Variants in DENND4A observed in about 807,000 individuals in gnomAD.
DENND4A encodes the protein DENN domain containing 4A.
A neutral mutation model predicts 199.3 loss-of-function variants in DENND4A; 70 were observed. That is an observed-to-expected ratio of 0.35 (90% CI 0.29 to 0.43). The LOEUF is 0.43. DENND4A is among the 20% of genes least tolerant of loss of function. The pLI, the probability that DENND4A is intolerant of heterozygous loss-of-function variation, is 1.00. For synonymous variants in DENND4A, 686 were observed against 766.9 expected (o/e 0.89, Z 1.74); for missense variants, 1,723 against 2,255.8 (o/e 0.76, Z 4.78).
intron 29 of DENND4A, 69 bp from the exon 30 acceptor site, chr15:65,665,531 T>A (rs1250008950): frequency 2.5e-6 from 3 of 1,215,756 alleles, no homozygotes; most frequent in African/African-American, 1.5e-5. Flanking sequence ...TTTATAAAAT[T>A]CTTATAAATA....
At chr15:65,763,728 G>A (rs951728170) in intron 1 of DENND4A, among the ~76,000 whole-genome samples, 8 of 150,476 alleles carry the variant, frequency 5.3e-5, no homozygotes, top group African/African-American at 1.5e-4. Context: ...GAAATAGAGG[G>A]TGAAAAGAAT....
chr15:65,776,172 A>G (rs1281893165), intron 1 of DENND4A, among the ~76,000 whole-genome samples: 3 of 152,198 alleles, frequency 2.0e-5, no homozygotes, highest in Non-Finnish European at 4.4e-5. Context: ...GCAATGTTAC[A>G]CCCCCATTTC....
At chr15:65,721,573 A>G (rs1310027260) in intron 12 of DENND4A, among the ~76,000 whole-genome samples, 2 of 149,710 alleles carry the variant, frequency 1.3e-5, no homozygotes, top group African/African-American at 4.9e-5. Flanking sequence ...GGACTTAAAG[A>G]TAGCTTTAAT....
intron 1 of DENND4A, among the ~76,000 whole-genome samples, chr15:65,773,033 T>A (rs1285947993): frequency 1.4e-5 from 2 of 145,992 alleles, no homozygotes; most frequent in Non-Finnish European, 3.0e-5. Context: ...AAAAAATCAT[T>A]CTTAGAGCAG....
In DENND4A at chr15:65,691,086, A is replaced by T. The variant is rs2076953865; in HGVS notation, c.3508T>A (p.Leu1170Ile). 3 of 1,613,032 alleles carry T rather than the reference A, an allele frequency of 1.9e-6. No homozygotes were observed. The highest frequency in any genetic ancestry group is 1.7e-6 in the Non-Finnish European group (2 of 1,179,610). The change falls in exon 23 of 33, where the codon TTA (leucine) becomes ATA (isoleucine). Residue 1170 changes from leucine to isoleucine, a missense_variant. Coordinates refer to ENST00000443035, the MANE Select transcript of DENND4A (RefSeq NM_001320835.1). ...DSPVIFDLED[L>I]DSETDVSKAG... The stretch of plus-strand genomic sequence containing the variant: ...TTTGATACATCTGTTTCACTGTCTA[A>T]GTCTTCTAAGTCAAAAATAACAGGA...
chr15:65,772,682 G>A (rs1205264509), intron 1 of DENND4A, among the ~76,000 whole-genome samples: 8 of 119,866 alleles, frequency 6.7e-5, no homozygotes, highest in Non-Finnish European at 1.1e-4. Flanking sequence ...ACTCCAGCCT[G>A]GGCAACAAAA....
At chr15:65,746,215 A>C (rs1186398595) in intron 4 of DENND4A, among the ~76,000 whole-genome samples, 2 of 151,880 alleles carry the variant, frequency 1.3e-5, no homozygotes, top group Admixed American at 6.6e-5. Flanking sequence ...AAAAAGAAGG[A>C]GGCATTGTTC....
At chr15:65,702,639 T>G in intron 16 of DENND4A, 128 bp from the exon 17 acceptor site, 1 of 941,454 alleles carries the variant, frequency 1.1e-6, no homozygotes, top group Non-Finnish European at 1.6e-6. Flanking sequence ...CTGTAATTAA[T>G]GCGTTTTCAA....
chr15:65,710,973 A>G (rs1333877579), intron 14 of DENND4A, among the ~76,000 whole-genome samples: 1 of 152,244 alleles, frequency 6.6e-6, no homozygotes, highest in African/African-American at 2.4e-5. Context: ...CACCAGAAGC[A>G]GATGCCAGCA....
At chr15:65,669,311 G>C (rs912573576) in intron 27 of DENND4A, among the ~76,000 whole-genome samples, 1 of 152,186 alleles carries the variant, frequency 6.6e-6, no homozygotes, top group Non-Finnish European at 1.5e-5. Context: ...TTTAAGTGTA[G>C]ATTTACTTAT....
At chr15:65,771,213 T>C (rs752157573) in intron 1 of DENND4A, 2 of 1,608,650 alleles carry the variant, frequency 1.2e-6, no homozygotes, top group Non-Finnish European at 8.5e-7. Context: ...TCTAATTCTT[T>C]ACAGTTGTCC....
At chr15:65,705,863 G>T in intron 15 of DENND4A, 2 of 305,802 alleles carry the variant, frequency 6.5e-6, no homozygotes, top group Non-Finnish European at 9.6e-6. Context: ...AGATACTTAT[G>T]CAGACATCAT....
intron 1 of DENND4A, among the ~76,000 whole-genome samples, chr15:65,761,767 A>G (rs2076856069): frequency 6.6e-6 from 1 of 152,124 alleles, no homozygotes; most frequent in South Asian, 2.1e-4. Flanking sequence ...AGTGTGAGAA[A>G]GAACAACATG....
At chr15:65,725,200 G>T (rs1352066128) in intron 11 of DENND4A, among the ~76,000 whole-genome samples, 1 of 152,066 alleles carries the variant, frequency 6.6e-6, no homozygotes, top group South Asian at 2.1e-4. Context: ...CCACTTACAA[G>T]ATTACTACAT....
intron 14 of DENND4A, among the ~76,000 whole-genome samples, chr15:65,712,413 C>T (rs1336951027): frequency 2.0e-5 from 3 of 152,172 alleles, no homozygotes; most frequent in Non-Finnish European, 4.4e-5. Flanking sequence ...TACAACACTA[C>T]TCTGAACGCT....
intron 11 of DENND4A, chr15:65,727,744 G>T: frequency 3.8e-6 from 1 of 263,052 alleles, no homozygotes; most frequent in East Asian, 1.2e-4. Flanking sequence ...GGTGCAATGT[G>T]GACAGTGCAT....
intron 29 of DENND4A, among the ~76,000 whole-genome samples, chr15:65,665,850 A>G (rs993503087): frequency 6.6e-6 from 1 of 152,242 alleles, no homozygotes; most frequent in Non-Finnish European, 1.5e-5. Flanking sequence ...GAAAATCCGA[A>G]GCACATGCAC....
intron 7 of DENND4A, among the ~76,000 whole-genome samples, chr15:65,733,295 T>C (rs1019250542): frequency 1.3e-5 from 2 of 152,108 alleles, no homozygotes; most frequent in Admixed American, 1.3e-4. Context: ...ATTTTGTAGG[T>C]TTTTTCCCCA....
At chr15:65,700,782 C>G in intron 19 of DENND4A, 107 bp from the exon 20 acceptor site, 1 of 1,197,422 alleles carries the variant, frequency 8.4e-7, no homozygotes, top group Non-Finnish European at 1.1e-6. Flanking sequence ...ATGAAAAGTG[C>G]CACATACTTA....
Sources: allele counts gnomAD v4.1 joint callset (sites outside exome capture counted in the v4.1 genomes callset), GRCh38; gene constraint gnomAD v4.1.1; transcripts MANE v1.5; gene names NCBI Gene and HGNC (gene_info 2026-07-23, HGNC 2026-07-21).